Variants in PLXNC1 observed in about 807,000 individuals in gnomAD.
The protein encoded by PLXNC1 is plexin C1.
A neutral mutation model predicts 178.2 loss-of-function variants in PLXNC1; 75 were observed. That is an observed-to-expected ratio of 0.42 (90% CI 0.35 to 0.51). PLXNC1 has a LOEUF of 0.51. Among genes scored for constraint, PLXNC1 ranks in the 20% least tolerant of loss-of-function variants. PLXNC1 has a pLI of 0.02. For missense variants in PLXNC1, 1,503 were observed against 1,984.4 expected (o/e 0.76, Z 4.61); for synonymous variants, 790 against 779.9 (o/e 1.01, Z -0.22).
chr12:94,270,521 A>G (rs563933451), intron 21 of PLXNC1, among the ~76,000 whole-genome samples: 5 of 152,274 alleles, frequency 3.3e-5, no homozygotes, highest in South Asian at 2.1e-4. Flanking sequence ...GGACACAGCA[A>G]TGGAAATGCC....
chr12:94,227,162 T>A lies in PLXNC1; in HGVS notation c.1907T>A (p.Val636Glu). 1 of 1,610,746 alleles carries A rather than the reference T, an allele frequency of 6.2e-7. No homozygotes were observed. The highest frequency in any genetic ancestry group is 8.5e-7 in the Non-Finnish European group (1 of 1,176,906). Residue 636 changes from valine to glutamate, a missense_variant, in exon 9 of 31, where the codon GTG (valine) becomes GAG (glutamate). Physicochemically the swap from Val to Glu is moderately radical, Grantham distance 121. Transcript: ENST00000258526. Reference sequence around the variant, plus strand: ...TCTCCATTCCAGGAACAGTGTCCAGTGGCTGTCGAGAAGACATCAGGAGGA... The same window carrying A: ...TCTCCATTCCAGGAACAGTGTCCAGAGGCTGTCGAGAAGACATCAGGAGGA... ...DYERNQEQCP[V>E]AVEKTSGGGR... is the part of the protein sequence containing the mutation.
intron 12 of PLXNC1, among the ~76,000 whole-genome samples, chr12:94,246,585 C>G (rs1187162355): frequency 6.6e-6 from 1 of 152,168 alleles, no homozygotes; most frequent in South Asian, 2.1e-4. Context: ...TCGCATGGCG[C>G]GAGTTTGTCA....
At chr12:94,180,910 T>C (rs1306882369) in intron 2 of PLXNC1, among the ~76,000 whole-genome samples, 4 of 152,142 alleles carry the variant, frequency 2.6e-5, no homozygotes, top group African/African-American at 9.7e-5. Context: ...GAAGAGCGGC[T>C]TTTTTTGTTT....
In PLXNC1 at chr12:94,306,916, ATCAGAATAAAGGTGAGAGG is replaced by A. The variant is rs1565880590; in HGVS notation, c.*1634_*1652del. On this transcript the variant is annotated 3_prime_UTR_variant, in exon 31 of 31. Transcript: ENST00000258526. Reference sequence around the variant, plus strand: ...AACAAAACTACCAAATAGATGACAGATCAGAATAAAGGTGAGAGGTCTGGTCCCCATTGAAGGCTGCTAC... The same window carrying A: ...AACAAAACTACCAAATAGATGACAGATCTGGTCCCCATTGAAGGCTGCTAC... 3 of 152,176 alleles carry A rather than the reference ATCAGAATAAAGGTGAGAGG, an allele frequency of 2.0e-5. No individual in the cohort carries two copies. The highest frequency in any genetic ancestry group is 2.0e-4 in the Admixed American group (3 of 15,268). 9.4% of individuals were successfully genotyped at this position (152,176 alleles called of 1,614,324 possible).
At chr12:94,241,019 C>A (rs987929013) in intron 11 of PLXNC1, among the ~76,000 whole-genome samples, 4 of 152,086 alleles carry the variant, frequency 2.6e-5, no homozygotes, top group African/African-American at 9.7e-5. Flanking sequence ...ACTTTAGATA[C>A]TTTAAGCTGT....
intron 4 of PLXNC1, among the ~76,000 whole-genome samples, chr12:94,196,943 T>C (rs1395231524): frequency 6.6e-6 from 1 of 152,232 alleles, no homozygotes; most frequent in Non-Finnish European, 1.5e-5. Context: ...CATGCACTTG[T>C]GATCTTACAG....
intron 1 of PLXNC1, among the ~76,000 whole-genome samples, chr12:94,166,429 T>G (rs994704825): frequency 1.3e-5 from 2 of 152,116 alleles, no homozygotes; most frequent in African/African-American, 4.8e-5. Context: ...CAAACTTAGG[T>G]GGTCTGGCTG....
intron 20 of PLXNC1, among the ~76,000 whole-genome samples, chr12:94,264,180 C>CT (rs1555205049): frequency 6.6e-6 from 1 of 152,144 alleles, no homozygotes; most frequent in Non-Finnish European, 1.5e-5. Flanking sequence ...TGACCCAGGG[C>CT]TAAGTGCCTT....
At chr12:94,283,899 C>T (rs1966637760) in intron 23 of PLXNC1, among the ~76,000 whole-genome samples, 2 of 152,106 alleles carry the variant, frequency 1.3e-5, no homozygotes, top group Non-Finnish European at 2.9e-5. Flanking sequence ...GCCTGGCCAA[C>T]ACGGTAAAAC....
intron 5 of PLXNC1, among the ~76,000 whole-genome samples, chr12:94,214,136 G>A (rs969882669): frequency 6.6e-6 from 1 of 151,006 alleles, no homozygotes; most frequent in Non-Finnish European, 1.5e-5. Flanking sequence ...CTAGGCTGGA[G>A]TGCAGAGACG....
intron 5 of PLXNC1, 117 bp downstream of exon 5, chr12:94,209,821 C>A: frequency 1.5e-6 from 1 of 654,814 alleles, no homozygotes; most frequent in Non-Finnish European, 2.7e-6. Flanking sequence ...AGTGATAGCA[C>A]TCCATTCATT....
chr12:94,265,337 CT>C, intron 21 of PLXNC1, 112 bp downstream of exon 21: 2 of 927,072 alleles, frequency 2.2e-6, no homozygotes, highest in Non-Finnish European at 3.2e-6. Context: ...GCGGGAGGCC[CT>C]GTGTGTTTAG....
At chr12:94,293,135 T>C (rs913610733) in intron 23 of PLXNC1, among the ~76,000 whole-genome samples, 4 of 152,230 alleles carry the variant, frequency 2.6e-5, no homozygotes, top group East Asian at 1.9e-4. Context: ...AACATTATGA[T>C]TGTAAGATTT....
chr12:94,230,082 G>A (rs772427991), intron 9 of PLXNC1, among the ~76,000 whole-genome samples: 3 of 152,058 alleles, frequency 2.0e-5, no homozygotes, highest in Admixed American at 6.6e-5. Flanking sequence ...TTTCACAGTC[G>A]CATCCATTTC....
At chr12:94,169,714 G>GA (rs1156642309) in intron 2 of PLXNC1, among the ~76,000 whole-genome samples, 19 of 152,122 alleles carry the variant, frequency 1.2e-4, no homozygotes, top group Non-Finnish European at 2.5e-4. Context: ...TTGAAAAGAA[G>GA]AAAAAACAGG....
At chr12:94,228,183 T>C (rs2136031625) in intron 9 of PLXNC1, among the ~76,000 whole-genome samples, 1 of 152,298 alleles carries the variant, frequency 6.6e-6, no homozygotes, top group East Asian at 1.9e-4. Context: ...ATGAATCAAA[T>C]GGATATGAAG....
Position 94,187,192 on chromosome 12 carries a change from G to GAGA in PLXNC1, c.1439+720_1439+721insGAA, listed in dbSNP as rs5800150. ...GGCAGGAAAGAGAGAGAGAGAGAGA[G>GAGA]AAAAAAAAACCCATAACAGTGTCTG... On this transcript the variant is annotated intron_variant, in intron 4 of 30. Transcript: ENST00000258526. Among the ~76,000 whole-genome samples, 769 of 148,658 alleles carry GAGA rather than the reference G, an allele frequency of 5.2e-3. 6 individuals carry two copies. Among genetic ancestry groups the GAGA allele is most frequent in the Non-Finnish European group, 7.2e-3 (482 of 67,262 alleles).
intron 15 of PLXNC1, among the ~76,000 whole-genome samples, chr12:94,254,125 C>T (rs1440422041): frequency 1.3e-5 from 2 of 152,232 alleles, no homozygotes; most frequent in African/African-American, 4.8e-5. Context: ...GGCACTCTTA[C>T]AGAGAAGGCA....
chr12:94,248,721 T>C (rs1469532962), intron 14 of PLXNC1, among the ~76,000 whole-genome samples: 1 of 152,170 alleles, frequency 6.6e-6, no homozygotes, highest in Non-Finnish European at 1.5e-5. Flanking sequence ...TCTAGACCCA[T>C]TGACAAATGA....
Sources: gnomAD v4.1 joint callset for allele counts (sites outside exome capture counted in the v4.1 genomes callset) on GRCh38, gnomAD v4.1.1 for gene constraint, MANE v1.5 for transcripts, NCBI Gene and HGNC (gene_info 2026-07-23, HGNC 2026-07-21) for gene names.